Variants in MED13 observed in about 807,000 individuals in gnomAD.
MED13 encodes the protein mediator of RNA polymerase II transcription subunit 13.
In MED13, 23 loss-of-function variants were observed where a neutral mutation model predicts 225.2. The observed-to-expected ratio is 0.10, with a 90% confidence interval of 0.07 to 0.14. The LOEUF (loss-of-function observed/expected upper bound fraction) is 0.14, where lower values mean the gene tolerates loss of function less well. Among genes scored for constraint, MED13 ranks in the 10% least tolerant of loss-of-function variants. MED13 has a pLI of 1.00. For missense variants in MED13, 2,197 were observed against 2,594.5 expected (o/e 0.85, Z 3.33); for synonymous variants, 942 against 889.2 (o/e 1.06, Z -1.06).
chr17:62,061,753 A>G (rs908390352), intron 2 of MED13, among the ~76,000 whole-genome samples: 2 of 152,220 alleles, frequency 1.3e-5, no homozygotes, highest in East Asian at 3.8e-4. Context: ...ATATATACAT[A>G]CATCATGTAT....
intron 8 of MED13, among the ~76,000 whole-genome samples, chr17:62,014,335 G>A (rs932108609): frequency 1.5e-5 from 2 of 129,250 alleles, no homozygotes; most frequent in African/African-American, 4.2e-5. Flanking sequence ...TATATATTTT[G>A]AGACACAGTT....
intron 16 of MED13, among the ~76,000 whole-genome samples, chr17:61,980,887 C>A (rs2080198091): frequency 6.6e-6 from 1 of 151,966 alleles, no homozygotes; most frequent in Non-Finnish European, 1.5e-5. Context: ...GGACCACAGG[C>A]ACGCCCCACC....
At position 61,946,348 on chromosome 17, in the gene MED13, G is replaced by T; in HGVS notation, c.*120C>A. Reference sequence around the variant, plus strand: ...CCAAGTCAAAACAATATTTGTTGAAGTAATAAGAATTAGACCCCATCACAA... The same window carrying T: ...CCAAGTCAAAACAATATTTGTTGAATTAATAAGAATTAGACCCCATCACAA... On this transcript the variant is annotated 3_prime_UTR_variant, in exon 30 of 30. Coordinates refer to ENST00000397786, the MANE Select transcript of MED13 (RefSeq NM_005121.3). 2 of 1,163,890 alleles carry T rather than the reference G, an allele frequency of 1.7e-6. No homozygotes were observed. The highest frequency in any genetic ancestry group is 2.4e-6 in the Non-Finnish European group (2 of 841,552). 72.1% of individuals were successfully genotyped at this position (1,163,890 alleles called of 1,614,324 possible). A position where few individuals can be genotyped will look rare whatever the true frequency, so the allele number is the denominator to read the frequency against.
At chr17:62,052,842 G>GT (rs1248003611) in intron 2 of MED13, 137 bp from the exon 3 acceptor site, 1 of 506,346 alleles carries the variant, frequency 2.0e-6, no homozygotes, top group South Asian at 6.0e-5. Flanking sequence ...TCACTTCAAT[G>GT]TATCTCTAGA....
chr17:61,978,534 C>T (rs2080176679), intron 16 of MED13, among the ~76,000 whole-genome samples: 1 of 152,158 alleles, frequency 6.6e-6, no homozygotes, highest in Admixed American at 6.5e-5. Context: ...GTGGGCGGAT[C>T]AACTGCTCTG....
chr17:61,995,044 T>C (rs2080335700), intron 10 of MED13, 108 bp downstream of exon 10: 1 of 852,194 alleles, frequency 1.2e-6, no homozygotes, highest in Non-Finnish European at 1.8e-6. Flanking sequence ...TGATTACTCT[T>C]TCTATTCTAA....
intron 12 of MED13, among the ~76,000 whole-genome samples, chr17:61,985,868 C>A (rs2080243224): frequency 6.6e-6 from 1 of 152,080 alleles, no homozygotes; most frequent in African/African-American, 2.4e-5. Flanking sequence ...TCTCCCTATT[C>A]CTGCAAAAAT....
At chr17:61,950,385 G>GT (rs537705894) in intron 28 of MED13, among the ~76,000 whole-genome samples, 1,676 of 142,770 alleles carry the variant, frequency 0.012, 19 homozygotes, top group African/African-American at 0.032. Flanking sequence ...AAAACTAGTT[G>GT]TTTTTTTTTT....
intron 11 of MED13, among the ~76,000 whole-genome samples, chr17:61,991,631 C>T (rs1303543509): frequency 6.6e-6 from 1 of 152,150 alleles, no homozygotes; most frequent in Non-Finnish European, 1.5e-5. Context: ...CCTCAGCCTC[C>T]CGAGTAGCTG....
chr17:62,002,629 G>A (rs918515097), intron 9 of MED13, among the ~76,000 whole-genome samples: 5 of 151,682 alleles, frequency 3.3e-5, no homozygotes, highest in African/African-American at 9.7e-5. Flanking sequence ...TTTGATCCTT[G>A]TCACATCATA....
At chr17:61,969,125 G>A (rs2080084641) in intron 17 of MED13, among the ~76,000 whole-genome samples, 1 of 152,176 alleles carries the variant, frequency 6.6e-6, no homozygotes, top group Non-Finnish European at 1.5e-5. Context: ...GGAGGCCGAG[G>A]TGGGCAGATC....
At chr17:61,977,467 C>T (rs1461124000) in intron 16 of MED13, among the ~76,000 whole-genome samples, 1 of 151,796 alleles carries the variant, frequency 6.6e-6, no homozygotes, top group Non-Finnish European at 1.5e-5. Flanking sequence ...TATTATTTTT[C>T]TTGAGACGGA....
rs539807207 is a variant in MED13, at chr17:62,009,255, G to A, written c.1967+1295C>T. Among the ~76,000 whole-genome samples the A allele has an allele frequency of 9.2e-5, 14 of 152,184 alleles. No homozygotes were observed. The South Asian group carries it at 2.9e-3, about 32-fold the overall frequency. On this transcript the variant is annotated intron_variant, in intron 9 of 29. Coordinates refer to ENST00000397786, the MANE Select transcript of MED13 (RefSeq NM_005121.3). The stretch of plus-strand genomic sequence containing the variant: ...AACATAGAAAGTCAAGGGATACCTG[G>A]AAAAAAGCCTTCTTCTGCCCAAAGT...
At position 62,011,054 on chromosome 17, in the gene MED13, A is replaced by G. The variant is rs765442913; in HGVS notation, c.1463T>C (p.Met488Thr). ...TCTTTGGCTGGCTGAATCTGCGTCC[A>G]TGCCAACATCATCACTAACAGACAC... Reference protein sequence around the residue: ...HRVSVSDDVGMDADSASQRLV... With the variant: ...HRVSVSDDVGTDADSASQRLV... The change falls in exon 9 of 30, where the codon ATG becomes ACG. Residue 488 changes from methionine (M) to threonine (T), a missense_variant. Physicochemically the swap from Met to Thr is moderately conservative, Grantham distance 81. Around this residue, in one of 12 missense-constraint regions of MED13, gnomAD observed 884 missense variants for 918.5 expected, o/e 0.96. Coordinates refer to ENST00000397786, the MANE Select transcript of MED13 (RefSeq NM_005121.3). The G allele has an allele frequency of 2.7e-5, 43 of 1,614,108 alleles. No homozygotes were observed. The highest frequency in any genetic ancestry group is 3.4e-6 in the Non-Finnish European group (4 of 1,180,034).
intron 8 of MED13, among the ~76,000 whole-genome samples, chr17:62,028,562 A>T (rs1308649824): frequency 6.6e-6 from 1 of 152,162 alleles, no homozygotes; most frequent in African/African-American, 2.4e-5. Context: ...TTAAAAAAAA[A>T]GAAATGAAAT....
chr17:62,031,662 GA>G, intron 5 of MED13, 24 bp from the exon 6 acceptor site: 1 of 1,493,074 alleles, frequency 6.7e-7, no homozygotes, highest in Non-Finnish European at 9.0e-7. Context: ...AATGGGACAG[GA>G]AAACCAATTA....
At chr17:61,958,530 G>A (rs1262555395) in intron 23 of MED13, among the ~76,000 whole-genome samples, 1 of 151,978 alleles carries the variant, frequency 6.6e-6, no homozygotes, top group African/African-American at 2.4e-5. Flanking sequence ...GTAGAGACAG[G>A]GTTTCAGCAT....
chr17:62,005,503 G>A (rs1204555263), intron 9 of MED13: 1 of 152,276 alleles, frequency 6.6e-6, no homozygotes, highest in Non-Finnish European at 1.5e-5. Flanking sequence ...CTATTCTGGA[G>A]GTTGAGGCAC....
chr17:61,946,310 A>G lies in MED13; in HGVS notation c.*158T>C. The G allele has an allele frequency of 1.2e-6, 1 of 801,178 alleles. No homozygotes were observed. The highest frequency in any genetic ancestry group is 1.9e-6 in the Non-Finnish European group (1 of 523,190). 49.6% of individuals were successfully genotyped at this position (801,178 alleles called of 1,614,324 possible). The stretch of plus-strand genomic sequence containing the variant: ...AGAGTCAATGAAAAATAGCAGGGTT[A>G]TAGCCCCTCCCCCCAAGTCAAAACA... On this transcript the variant is annotated 3_prime_UTR_variant, in exon 30 of 30. Transcript: ENST00000397786.
Sources: allele counts gnomAD v4.1 joint callset (sites outside exome capture counted in the v4.1 genomes callset), GRCh38; gene constraint gnomAD v4.1.1; regional missense constraint gnomAD v4.1.1; transcripts MANE v1.5; gene names NCBI Gene and HGNC (gene_info 2026-07-23, HGNC 2026-07-21).